BCL2: variants seen among roughly 807,000 people sequenced by gnomAD.
BCL2 encodes the protein apoptosis regulator Bcl-2.
BCL2 carries 1 observed loss-of-function variant against 14.2 expected under a neutral mutation model. The ratio of observed to expected loss-of-function variants is 0.07; its 90% CI spans 0.02 to 0.33. BCL2 has a LOEUF of 0.33. Ranked by LOEUF, BCL2 falls within the 10% of genes least tolerant of loss-of-function variation. The pLI is 0.99. For synonymous variants in BCL2, 151 were observed against 137.2 expected (o/e 1.10, Z -0.70); for missense variants, 247 against 305.9 (o/e 0.81, Z 1.44).
chr18:63,265,664 T>C lies in BCL2; in HGVS notation c.585+52418A>G, dbSNP rs117826390. Among the ~76,000 whole-genome samples, 159 of 152,218 alleles carry C rather than the reference T, an allele frequency of 1.0e-3. 2 individuals are homozygous for C. In the East Asian group the frequency reaches 0.028, roughly 27 times the overall value. ...TTCATGAAAATAAAAATTTTCTGCA[T>C]GGGGAAAAAACACCATCAACAAATG... On this transcript the variant is annotated intron_variant, in intron 2 of 2. Transcript: ENST00000333681.
At chr18:63,221,656 C>T (rs1022544388) in intron 2 of BCL2, among the ~76,000 whole-genome samples, 3 of 152,152 alleles carry the variant, frequency 2.0e-5, no homozygotes, top group African/African-American at 4.8e-5. Flanking sequence ...GAACTGAGCC[C>T]CTTTCCTAAA....
intron 2 of BCL2, among the ~76,000 whole-genome samples, chr18:63,151,538 G>A (rs1005286877): frequency 6.8e-6 from 1 of 147,948 alleles, no homozygotes; most frequent in Non-Finnish European, 1.5e-5. Context: ...GGACAGCATA[G>A]GCTACAGGGG....
rs896867726 is a variant in BCL2 at position 63,318,878 on chromosome 18, C to T, written c.-212G>A. ...ATGCAGGAAATTTTTATTCCAATTC[C>T]TTTCGGATCTTTATTTCATGAGGCA... On this transcript the variant is annotated 5_prime_UTR_variant, in exon 2 of 3. Coordinates refer to ENST00000333681, the MANE Select transcript of BCL2 (RefSeq NM_000633.3). The surrounding 1 kb of genome is among the most constrained non-coding windows in gnomAD (Gnocchi z 7.4). 1 of 1,409,600 alleles carries T rather than the reference C, an allele frequency of 7.1e-7. No homozygotes were observed. Among genetic ancestry groups the T allele is most frequent in the African/African-American group, 1.5e-5 (1 of 67,090 alleles). The allele number at this position is 1,409,600 out of a possible 1,614,324, so 87.3% of individuals were successfully genotyped here.
intron 2 of BCL2, among the ~76,000 whole-genome samples, chr18:63,132,377 C>T (rs561241003): frequency 1.3e-5 from 2 of 152,238 alleles, no homozygotes; most frequent in Non-Finnish European, 2.9e-5. Context: ...CCTACTCAAC[C>T]TGCCCTTCCC....
intron 2 of BCL2, chr18:63,317,735 C>G: frequency 8.8e-7 from 1 of 1,131,492 alleles, no homozygotes; most frequent in Non-Finnish European, 1.1e-6. Context: ...TTCCAACAAG[C>G]TGCTCAAGCC....
chr18:63,224,247 T>A (rs747940788), intron 2 of BCL2, among the ~76,000 whole-genome samples: 1 of 152,038 alleles, frequency 6.6e-6, no homozygotes, highest in Non-Finnish European at 1.5e-5. Context: ...ATAATAGAAG[T>A]TCTGGAAAGA....
chr18:63,218,730 CCTCCACTCATCT>C (rs1302234068), intron 2 of BCL2, among the ~76,000 whole-genome samples: 9 of 60,530 alleles, frequency 1.5e-4, no homozygotes, highest in Non-Finnish European at 2.6e-4. Context: ...TCCTCCCCAT[CCTCCACTCATCT>C]CCATCCTCCA....
At chr18:63,130,342 G>T (rs1343847227) in intron 2 of BCL2, among the ~76,000 whole-genome samples, 1 of 152,126 alleles carries the variant, frequency 6.6e-6, no homozygotes, top group East Asian at 1.9e-4. Flanking sequence ...CTGTTGGGAG[G>T]GGCTCCAACA....
chr18:63,265,147 C>T (rs1431904199), intron 2 of BCL2, among the ~76,000 whole-genome samples: 2 of 152,220 alleles, frequency 1.3e-5, no homozygotes, highest in African/African-American at 2.4e-5. Flanking sequence ...AGTGAGCACT[C>T]GAGTCCCATC....
chr18:63,239,484 G>A (rs1910932761), intron 2 of BCL2, among the ~76,000 whole-genome samples: 1 of 152,222 alleles, frequency 6.6e-6, no homozygotes, highest in African/African-American at 2.4e-5. Context: ...ACTCACACCT[G>A]TAATCACAGC....
In BCL2 at chr18:63,263,959, C is replaced by G. The variant is rs557147412; in HGVS notation, c.585+54123G>C. ...TCATTTTTGTATTTTTAGCAGAGAC[C>G]GGGTTTCACCATGTTGGCCAGGCTG... On this transcript the variant is annotated intron_variant, in intron 2 of 2. Coordinates refer to ENST00000333681, the MANE Select transcript of BCL2 (RefSeq NM_000633.3). 2.0e-5 allele frequency among the ~76,000 whole-genome samples: 3 copies of G among 152,202 alleles called. No homozygotes were observed. In the South Asian group the frequency reaches 6.2e-4, roughly 32 times the overall value.
chr18:63,251,759 C>T (rs1258457310), intron 2 of BCL2, among the ~76,000 whole-genome samples: 1 of 150,142 alleles, frequency 6.7e-6, no homozygotes, highest in East Asian at 2.0e-4. Context: ...AGTGCAATGG[C>T]GTGATCTCGT....
At chr18:63,163,061 G>T (rs1307285437) in intron 2 of BCL2, among the ~76,000 whole-genome samples, 1 of 152,134 alleles carries the variant, frequency 6.6e-6, no homozygotes, top group African/African-American at 2.4e-5. Context: ...GCCAAGGTTG[G>T]TCTTGAACTC....
At chr18:63,185,646 T>C (rs1193791307) in intron 2 of BCL2, among the ~76,000 whole-genome samples, 1 of 152,216 alleles carries the variant, frequency 6.6e-6, no homozygotes, top group Non-Finnish European at 1.5e-5. Context: ...AGAGTCTAGG[T>C]AGTAACCCTC....
At chr18:63,312,176 G>A (rs900066727) in intron 2 of BCL2, among the ~76,000 whole-genome samples, 4 of 152,232 alleles carry the variant, frequency 2.6e-5, no homozygotes, top group South Asian at 4.1e-4. Flanking sequence ...GTATCTAAGC[G>A]CATTACGGTT....
intron 2 of BCL2, among the ~76,000 whole-genome samples, chr18:63,276,428 G>A (rs909353315): frequency 1.3e-5 from 2 of 152,084 alleles, no homozygotes; most frequent in South Asian, 4.1e-4. Context: ...TAAGGGGTGG[G>A]GCCAGACAGG....
At chr18:63,272,584 T>C (rs562494542) in intron 2 of BCL2, among the ~76,000 whole-genome samples, 4 of 152,176 alleles carry the variant, frequency 2.6e-5, no homozygotes, top group Admixed American at 6.5e-5. Flanking sequence ...AGGGAGATAA[T>C]TGGCCAATCA....
chr18:63,161,416 G>A (rs1231867715), intron 2 of BCL2, among the ~76,000 whole-genome samples: 2 of 152,116 alleles, frequency 1.3e-5, no homozygotes, highest in Admixed American at 6.5e-5. Flanking sequence ...TTTCCATCTC[G>A]CTTGGGACAG....
chr18:63,277,571 G>C lies in BCL2; in HGVS notation c.585+40511C>G, dbSNP rs117760721. 1.1e-3 allele frequency among the ~76,000 whole-genome samples: 142 copies of C among 123,864 alleles called. 2 individuals are homozygous for C. In the East Asian group the frequency reaches 0.03, roughly 26 times the overall value. The allele number at this position is 123,864 out of a possible 152,430, so 81.3% of individuals were successfully genotyped here. The stretch of plus-strand genomic sequence containing the variant: ...TGCCTGGGTGACAGAGGGAGATCAT[G>C]TCCTTTTTTTTTTTTTTTTTTAAGG... On this transcript the variant is annotated intron_variant, in intron 2 of 2. Transcript: ENST00000333681.
Sources: allele counts gnomAD v4.1 joint callset (sites outside exome capture counted in the v4.1 genomes callset), GRCh38; gene constraint gnomAD v4.1.1; non-coding constraint Gnocchi (gnomAD v3.1); transcripts MANE v1.5; gene names NCBI Gene and HGNC (gene_info 2026-07-23, HGNC 2026-07-21).